The following LYZL1 variants were observed in gnomAD, a reference collection of about 807,000 sequenced individuals.
LYZL1 encodes the protein lysozyme-like protein 1.
A neutral mutation model predicts 17.9 loss-of-function variants in LYZL1; 16 were observed. That is an observed-to-expected ratio of 0.90 (90% CI 0.61 to 1.36). LYZL1 has a LOEUF of 1.36. Among genes scored for constraint, LYZL1 ranks in the 40% most tolerant of loss-of-function variants. The probability of loss-of-function intolerance (pLI) is 0.00; values close to 1 mark genes in which losing one functional copy is unlikely to be tolerated. For synonymous variants in LYZL1, 58 were observed against 71.8 expected (o/e 0.81, Z 0.97); for missense variants, 149 against 188.4 (o/e 0.79, Z 1.22).
chr10:29,317,907 G>A (rs1012995227), intron 4 of LYZL1, among the ~76,000 whole-genome samples: 1 of 149,936 alleles, frequency 6.7e-6, no homozygotes, highest in Non-Finnish European at 1.5e-5. Flanking sequence ...TGACAGCACC[G>A]CACTCCAGAC....
At chr10:29,315,230 C>T (rs1167806047), downstream of LYZL1, among the ~76,000 whole-genome samples, 1 of 152,148 alleles carries the variant, frequency 6.6e-6, no homozygotes, top group East Asian at 1.9e-4. Context: ...AAAATTTAGG[C>T]CGGGCGCAGT....
At chr10:29,294,882 C>T in intron 3 of LYZL1, among the ~76,000 whole-genome samples, 1 of 152,058 alleles carries the variant, frequency 6.6e-6, no homozygotes, top group East Asian at 1.9e-4. Context: ...AAATTAGGTA[C>T]AGTAAGATGT....
At chr10:29,303,498 G>C (rs1835549365) in intron 3 of LYZL1, among the ~76,000 whole-genome samples, 1 of 152,168 alleles carries the variant, frequency 6.6e-6, no homozygotes, top group African/African-American at 2.4e-5. Flanking sequence ...TCGTGGTCAT[G>C]TTGGACTTTA....
At chr10:29,310,916 T>G in intron 4 of LYZL1, 74 bp from the exon 5 acceptor site, 2 of 1,612,064 alleles carry the variant, frequency 1.2e-6, no homozygotes, top group South Asian at 2.2e-5. Context: ...GGTTAATTTC[T>G]GTAGGCTTTG....
chr10:29,306,819 TGTGTG>T (rs1835601776), intron 3 of LYZL1, among the ~76,000 whole-genome samples: 1 of 141,156 alleles, frequency 7.1e-6, no homozygotes, highest in Admixed American at 7.4e-5. Flanking sequence ...TGTGTGTGTG[TGTGTG>T]TGTGTGAAAG....
chr10:29,292,092 C>T (rs2132813612), intron 2 of LYZL1, 86 bp downstream of exon 2: 1 of 1,533,048 alleles, frequency 6.5e-7, no homozygotes, highest in Non-Finnish European at 8.8e-7. Flanking sequence ...CCTGCTGTGT[C>T]TTCCCAACTA....
intron 3 of LYZL1, among the ~76,000 whole-genome samples, chr10:29,306,788 G>A (rs1232786846): frequency 7.7e-6 from 1 of 129,470 alleles, no homozygotes; most frequent in Admixed American, 8.6e-5. Context: ...CATAGTTACC[G>A]CTTATGTATG....
downstream of LYZL1, among the ~76,000 whole-genome samples, chr10:29,313,955 C>T (rs1281699799): frequency 6.6e-6 from 1 of 152,178 alleles, no homozygotes; most frequent in Non-Finnish European, 1.5e-5. Context: ...TCTTGGGACA[C>T]CTCCCACTCC....
intron 1 of LYZL1, among the ~76,000 whole-genome samples, chr10:29,290,156 G>A (rs567831468): frequency 4.6e-5 from 7 of 152,274 alleles, no homozygotes; most frequent in South Asian, 4.2e-4. Flanking sequence ...ACTAATGACT[G>A]GAGAAGTTTC....
downstream of LYZL1, among the ~76,000 whole-genome samples, chr10:29,315,779 G>A (rs998473): frequency 0.45 from 68,377 of 151,162 alleles, 15,583 homozygotes; most frequent in African/African-American, 0.52. Context: ...AGCCTTGAAG[G>A]TCAAGGCTGC....
intron 3 of LYZL1, among the ~76,000 whole-genome samples, chr10:29,302,247 CTTAG>C (rs1835529136): frequency 6.6e-6 from 1 of 152,202 alleles, no homozygotes; most frequent in Middle Eastern, 3.4e-3. Context: ...GTCTTGTCTT[CTTAG>C]TTTAAAAGAA....
At chr10:29,309,231 C>T (rs192945246) in intron 3 of LYZL1, among the ~76,000 whole-genome samples, 14 of 149,726 alleles carry the variant, frequency 9.4e-5, no homozygotes, top group Middle Eastern at 3.7e-3. Flanking sequence ...GGGGAGGCTG[C>T]GGCAGGAGAA....
rs955847165 is a variant in LYZL1 at position 29,289,158 on chromosome 10, G to A, written c.-98G>A. The A allele has an allele frequency of 2.2e-5, 36 of 1,606,558 alleles. No individual in the cohort carries two copies. In the Admixed American group the frequency reaches 2.4e-4, roughly 10 times the overall value. On this transcript the variant is annotated 5_prime_UTR_variant, in exon 1 of 5. It introduces an in-frame stop codon into an upstream open reading frame of the 5' UTR. Coordinates refer to ENST00000649382, the MANE Select transcript of LYZL1 (RefSeq NM_032517.6). ...CTGAGCTGCCTGTCACCGACTAAGT[G>A]GAGCAGTGTTTCTTCCGCAGACTCA...
downstream of LYZL1, among the ~76,000 whole-genome samples, chr10:29,314,409 C>T (rs1280953722): frequency 1.3e-5 from 2 of 152,150 alleles, no homozygotes; most frequent in Non-Finnish European, 1.5e-5. Flanking sequence ...GGGAGGATCA[C>T]TTGAGACCAG....
chr10:29,289,117 G>A lies in LYZL1; in HGVS notation c.-139G>A, dbSNP rs755687099. On this transcript the variant is annotated 5_prime_UTR_variant, in exon 1 of 5. Transcript: ENST00000649382. ...GTTAGAATCAGACATGGCTTCAGGG[G>A]ATGCAGGACGCTCCCCTGAGCTGCC... is the stretch of plus-strand genomic sequence containing the variant. 7.6e-6 allele frequency: 12 copies of A among 1,582,664 alleles called. No homozygotes were observed. In the African/African-American group the frequency reaches 1.1e-4, roughly 14 times the overall value.
intron 1 of LYZL1, among the ~76,000 whole-genome samples, chr10:29,290,444 C>T (rs1751949): frequency 0.97 from 147,717 of 152,198 alleles, 71,777 homozygotes; most frequent in East Asian, 1. Flanking sequence ...CTTTGTCCTC[C>T]ATCCCTCTTG....
intron 1 of LYZL1, among the ~76,000 whole-genome samples, chr10:29,289,953 G>A (rs1028322427): frequency 1.2e-4 from 19 of 152,128 alleles, no homozygotes; most frequent in African/African-American, 4.3e-4. Context: ...ACATACAAAA[G>A]CGGGCCTGGT....
chr10:29,309,824 C>T (rs1021991688), intron 3 of LYZL1, among the ~76,000 whole-genome samples: 2 of 152,220 alleles, frequency 1.3e-5, no homozygotes, highest in Non-Finnish European at 2.9e-5. Context: ...ACATAAAAAA[C>T]ATTCTTGCAT....
chr10:29,292,488 T>C, intron 2 of LYZL1, 31 bp from the exon 3 acceptor site: 3 of 1,608,696 alleles, frequency 1.9e-6, no homozygotes, highest in Non-Finnish European at 2.5e-6. Context: ...TGCACTTCCT[T>C]TGCTGGCGTT....
Sources: allele counts gnomAD v4.1 joint callset (sites outside exome capture counted in the v4.1 genomes callset), GRCh38; gene constraint gnomAD v4.1.1; transcripts MANE v1.5; gene names NCBI Gene and HGNC (gene_info 2026-07-23, HGNC 2026-07-21).